Variants in RBFOX3 observed in about 807,000 individuals in gnomAD.
RBFOX3 encodes the protein RNA binding protein fox-1 homolog 3.
RBFOX3 carries 17 observed loss-of-function variants against 48.7 expected under a neutral mutation model. That is an observed-to-expected ratio of 0.35 (90% CI 0.24 to 0.52). The LOEUF (loss-of-function observed/expected upper bound fraction) is 0.52, where lower values mean the gene tolerates loss of function less well. Ranked by LOEUF, RBFOX3 falls within the 20% of genes least tolerant of loss-of-function variation. RBFOX3 has a pLI of 0.94. For missense variants in RBFOX3, 382 were observed against 497.5 expected, an observed-to-expected ratio of 0.77 and a Z score of 2.21; for synonymous variants, 212 against 209.5, an observed-to-expected ratio of 1.01 and a Z score of -0.10.
At chr17:79,127,296 G>A (rs1406070945) in intron 4 of RBFOX3, among the ~76,000 whole-genome samples, 1 of 152,204 alleles carries the variant, frequency 6.6e-6, no homozygotes, top group African/African-American at 2.4e-5. Flanking sequence ...CAGTTCAAGA[G>A]CAGAGTGGGT....
At chr17:79,159,448 C>A (rs1392371425) in intron 4 of RBFOX3, among the ~76,000 whole-genome samples, 1 of 152,168 alleles carries the variant, frequency 6.6e-6, no homozygotes, top group Admixed American at 6.5e-5. Context: ...TCCTGTGGAC[C>A]AAGTCTGGGC....
In RBFOX3 at chr17:79,095,512, C is replaced by T; in HGVS notation, c.998+1G>A. ...AGAACAGTGCTGGCCCCCGGCCTCA[C>T]CTGTCGCTGTAGGCTGCCGCCGCTG... On this transcript the variant is annotated splice_donor_variant, in intron 13 of 14. Coordinates refer to ENST00000693108, the MANE Select transcript of RBFOX3 (RefSeq NM_001350451.2). LOFTEE classifies it high-confidence loss of function. 6.4e-7 allele frequency: 1 copy of T among 1,551,318 alleles called. No homozygotes were observed. Among genetic ancestry groups the T allele is most frequent in the South Asian group, 1.2e-5 (1 of 84,006 alleles).
chr17:79,106,028 CG>C (rs1169438892), intron 6 of RBFOX3, among the ~76,000 whole-genome samples: 5 of 152,214 alleles, frequency 3.3e-5, no homozygotes, highest in Non-Finnish European at 7.3e-5. Context: ...GACCCCACCA[CG>C]GGGCTGAAGC....
At chr17:79,279,087 T>A (rs1485732632) in intron 3 of RBFOX3, among the ~76,000 whole-genome samples, 1 of 151,964 alleles carries the variant, frequency 6.6e-6, no homozygotes, top group South Asian at 2.1e-4. Context: ...GAGCTGGGAC[T>A]AAAATTCTGG....
In RBFOX3 at chr17:79,311,805, G is replaced by A. The variant is rs369154909; in HGVS notation, c.-174-3981C>T. ...CAGTGCCCCCATGATGGCAGAAACG[G>A]GGAACAGGAAGGAGGCAGCCCAAAG... On this transcript the variant is annotated intron_variant, in intron 2 of 14. Coordinates refer to ENST00000693108, the MANE Select transcript of RBFOX3 (RefSeq NM_001350451.2). The surrounding 1 kb of genome is among the most constrained non-coding windows in gnomAD (Gnocchi z 4.2). Among the ~76,000 whole-genome samples the A allele has an allele frequency of 2.0e-5, 3 of 152,230 alleles. No individual in the cohort carries two copies. The highest frequency in any genetic ancestry group is 4.8e-5 in the African/African-American group (2 of 41,516).
At chr17:79,512,581 G>A (rs1371900337) in intron 1 of RBFOX3, among the ~76,000 whole-genome samples, 3 of 146,722 alleles carry the variant, frequency 2.0e-5, no homozygotes, top group Non-Finnish European at 3.0e-5. Flanking sequence ...CCAGATACAT[G>A]TTACCATCGG....
chr17:79,512,679 G>A (rs1345273182), intron 1 of RBFOX3, among the ~76,000 whole-genome samples: 16 of 85,926 alleles, frequency 1.9e-4, no homozygotes, highest in African/African-American at 2.3e-4. Context: ...ACCCGGATAC[G>A]TGTTACCATC....
intron 2 of RBFOX3, among the ~76,000 whole-genome samples, chr17:79,372,093 C>T (rs953180310): frequency 2.6e-5 from 4 of 152,058 alleles, no homozygotes; most frequent in African/African-American, 9.7e-5. Context: ...CTCTAAACGC[C>T]AGTAACTGCG....
At chr17:79,518,232 C>T (rs1278392351) in intron 1 of RBFOX3, among the ~76,000 whole-genome samples, 1 of 152,200 alleles carries the variant, frequency 6.6e-6, no homozygotes, top group Non-Finnish European at 1.5e-5. Flanking sequence ...CTCTTTTCGC[C>T]TTGGTGTTAG....
chr17:79,255,678 C>T (rs920936872), intron 3 of RBFOX3, among the ~76,000 whole-genome samples: 5 of 152,052 alleles, frequency 3.3e-5, no homozygotes, highest in Non-Finnish European at 5.9e-5. Context: ...GGCCGGTGCT[C>T]AGCAGCAGCA....
At chr17:79,336,827 A>T (rs2146519532) in intron 2 of RBFOX3, among the ~76,000 whole-genome samples, 1 of 152,244 alleles carries the variant, frequency 6.6e-6, no homozygotes, top group South Asian at 2.1e-4. Flanking sequence ...GGCACAATAA[A>T]AAGTGAAGTG....
chr17:79,183,483 C>G (rs2052657558), intron 4 of RBFOX3: 1 of 152,076 alleles, frequency 6.6e-6, no homozygotes, highest in South Asian at 2.1e-4. Flanking sequence ...TCCTCTGGGC[C>G]TCCCCTCCCC....
chr17:79,510,916 G>A (rs2149844698), intron 1 of RBFOX3, among the ~76,000 whole-genome samples: 1 of 152,196 alleles, frequency 6.6e-6, no homozygotes, highest in African/African-American at 2.4e-5. Flanking sequence ...AGCATCCTAG[G>A]GAGAAGGAGA....
chr17:79,374,267 G>A (rs891359263), intron 2 of RBFOX3, among the ~76,000 whole-genome samples: 6 of 152,322 alleles, frequency 3.9e-5, no homozygotes, highest in African/African-American at 1.4e-4. Flanking sequence ...GAGAAGTAAA[G>A]ACGAGAAGCC....
At chr17:79,139,277 C>A (rs1426741283) in intron 4 of RBFOX3, among the ~76,000 whole-genome samples, 1 of 152,068 alleles carries the variant, frequency 6.6e-6, no homozygotes, top group Non-Finnish European at 1.5e-5. Context: ...GATACACAGG[C>A]ATCAGGCAGG....
At chr17:79,662,357 T>C in the RBFOX3 span, among the ~76,000 whole-genome samples, 5 of 151,884 alleles carry the variant, frequency 3.3e-5, no homozygotes, top group East Asian at 7.8e-4. Context: ...CTCCTGACCT[T>C]GTGATCCGCC....
intron 2 of RBFOX3, among the ~76,000 whole-genome samples, chr17:79,459,601 A>G (rs1804991769): frequency 6.6e-6 from 1 of 151,996 alleles, no homozygotes; most frequent in South Asian, 2.1e-4. Flanking sequence ...AGTCAAGTCC[A>G]CCACCCCCAC....
At position 79,610,883 on chromosome 17, in the gene RBFOX3, TCCCGGCCG is replaced by T. The variant is rs1252636068; in HGVS notation, c.-385_-378del. ...GGCCGGCGGCCATGCCCCGGCTGCA[TCCCGGCCG>T]CCGAGCGGGCAGCGGCGTCCTGGGG... On this transcript the variant is annotated 5_prime_UTR_variant, in exon 1 of 15. Coordinates refer to ENST00000693108, the MANE Select transcript of RBFOX3 (RefSeq NM_001350451.2). Among the ~76,000 whole-genome samples, 1 of 151,414 alleles carries T rather than the reference TCCCGGCCG, an allele frequency of 6.6e-6. No individual in the cohort carries two copies. Among genetic ancestry groups the T allele is most frequent in the Non-Finnish European group, 1.5e-5 (1 of 67,798 alleles).
chr17:79,334,799 G>C (rs1001304200), intron 2 of RBFOX3, among the ~76,000 whole-genome samples: 4 of 152,244 alleles, frequency 2.6e-5, no homozygotes, highest in African/African-American at 9.6e-5. Flanking sequence ...ATGCTTGTGA[G>C]CTTGAAGATG....
Sources: gnomAD v4.1 joint callset for allele counts (sites outside exome capture counted in the v4.1 genomes callset) on GRCh38, gnomAD v4.1.1 for gene constraint, Gnocchi (gnomAD v3.1) non-coding constraint, MANE v1.5 for transcripts, NCBI Gene and HGNC (gene_info 2026-07-23, HGNC 2026-07-21) for gene names.